The following PKHD1L1 variants were observed in gnomAD, a reference collection of about 807,000 sequenced individuals.
PKHD1L1 encodes the protein PKHD1 like 1.
PKHD1L1 carries 434 observed loss-of-function variants against 462.9 expected under a neutral mutation model. The ratio of observed to expected loss-of-function variants is 0.94; its 90% CI spans 0.87 to 1.02. The LOEUF is 1.02. PKHD1L1 is among the 50% of genes least tolerant of loss of function. The pLI, the probability that PKHD1L1 is intolerant of heterozygous loss-of-function variation, is 0.00. For synonymous variants in PKHD1L1, 1,781 were observed against 1,750.0 expected, an observed-to-expected ratio of 1.02 and a Z score of -0.44; for missense variants, 5,202 against 5,096.1, an observed-to-expected ratio of 1.02 and a Z score of -0.63.
At chr8:109,504,942 T>C (rs961119856) in intron 68 of PKHD1L1, among the ~76,000 whole-genome samples, 15 of 152,084 alleles carry the variant, frequency 9.9e-5, no homozygotes, top group Non-Finnish European at 1.9e-4. Context: ...GGTGCTATCA[T>C]GGCTCACTGC....
chr8:109,406,350 A>T lies in PKHD1L1; in HGVS notation c.1685A>T (p.Asp562Val), dbSNP rs201284253. The change falls in exon 17 of 78, where the codon GAT becomes GTT. Residue 562 changes from aspartate to valine, a missense_variant. Coordinates refer to ENST00000378402, the MANE Select transcript of PKHD1L1 (RefSeq NM_177531.6). The stretch of plus-strand genomic sequence containing the variant: ...CCAATCAAAGTCTTCCTACCTGCTG[A>T]TGCTTCTGAATTCATACTGCAATCA... ...NMEKTVFLPA[D>V]ASEFILQSAL... The T allele has an allele frequency of 1.9e-6, 3 of 1,550,636 alleles. No homozygotes were observed. The highest frequency in any genetic ancestry group is 8.7e-7 in the Non-Finnish European group (1 of 1,147,032).
chr8:109,408,366 C>A (rs934118676), intron 18 of PKHD1L1, among the ~76,000 whole-genome samples, 160 bp downstream of exon 18: 1 of 152,140 alleles, frequency 6.6e-6, no homozygotes, highest in African/African-American at 2.4e-5. Flanking sequence ...TACTGTGATA[C>A]TTTTATCTGA....
intron 9 of PKHD1L1, among the ~76,000 whole-genome samples, chr8:109,391,950 A>G (rs536311468): frequency 1.3e-5 from 2 of 152,228 alleles, no homozygotes; most frequent in Non-Finnish European, 2.9e-5. Flanking sequence ...AATATAGGCT[A>G]GACCAAAACT....
At chr8:109,469,873 T>G (rs551969925) in intron 50 of PKHD1L1, among the ~76,000 whole-genome samples, 1 of 152,146 alleles carries the variant, frequency 6.6e-6, no homozygotes, top group African/African-American at 2.4e-5. Flanking sequence ...AAATAAAAAC[T>G]GAAACAAAAG....
At chr8:109,381,659 T>C (rs1028337790) in intron 3 of PKHD1L1, 145 bp downstream of exon 3, 8 of 621,480 alleles carry the variant, frequency 1.3e-5, no homozygotes, top group Non-Finnish European at 2.0e-5. Flanking sequence ...CATTTTGTGA[T>C]GTTTAGACTA....
chr8:109,387,088 C>T (rs1406608205), intron 6 of PKHD1L1, among the ~76,000 whole-genome samples: 1 of 152,066 alleles, frequency 6.6e-6, no homozygotes, highest in Non-Finnish European at 1.5e-5. Flanking sequence ...ACCAGGGCTC[C>T]CAAGGCAATT....
At position 109,444,962 on chromosome 8, in the gene PKHD1L1, T is replaced by C. The variant is rs1563550585; in HGVS notation, c.5093T>C (p.Phe1698Ser). The change falls in exon 38 of 78, where the codon TTC becomes TCC. Residue 1698 changes from phenylalanine (F) to serine (S), a missense_variant. Phe to Ser is a radical substitution (Grantham distance 155, BLOSUM62 -2). Around this residue, in one of 3 missense-constraint regions of PKHD1L1, gnomAD observed 4,497 missense variants for 4,336.8 expected, o/e 1.04. Coordinates refer to ENST00000378402, the MANE Select transcript of PKHD1L1 (RefSeq NM_177531.6). ...GGTGTAAAAGTCCTTATGGGTCATT[T>C]CCCATGTAAAGTTCTATCAGTGAAT... The part of the protein sequence containing the change: ...SAGVKVLMGH[F>S]PCKVLSVNYT... The C allele has an allele frequency of 6.2e-6, 10 of 1,614,008 alleles. No individual in the cohort carries two copies. The highest frequency in any genetic ancestry group is 8.5e-6 in the Non-Finnish European group (10 of 1,179,886).
chr8:109,379,258 G>A (rs1000080562), intron 2 of PKHD1L1, among the ~76,000 whole-genome samples: 4 of 152,122 alleles, frequency 2.6e-5, no homozygotes, highest in Admixed American at 6.5e-5. Flanking sequence ...GACTGCTACC[G>A]GAACTGACCC....
rs1359153571 is a variant in PKHD1L1, at chr8:109,362,522, C to T, written c.-59C>T. On this transcript the variant is annotated 5_prime_UTR_variant, in exon 1 of 78. Coordinates refer to ENST00000378402, the MANE Select transcript of PKHD1L1 (RefSeq NM_177531.6). ...GCGAGTCGCAGTCCCAGGAGCCGAG[C>T]TCCAGCACTAGAGCCAGCTGCGAGC... The T allele has an allele frequency of 6.0e-6, 9 of 1,499,852 alleles. No individual in the cohort carries two copies. The highest frequency in any genetic ancestry group is 8.2e-6 in the Non-Finnish European group (9 of 1,099,588). The allele number at this position is 1,499,852 out of a possible 1,614,324, so 92.9% of individuals were successfully genotyped here. A position where few individuals can be genotyped will look rare whatever the true frequency, so the allele number is the denominator to read the frequency against.
chr8:109,423,600 T>G, intron 23 of PKHD1L1, among the ~76,000 whole-genome samples: 1 of 152,174 alleles, frequency 6.6e-6, no homozygotes, highest in East Asian at 1.9e-4. Flanking sequence ...GTTTTAGCTA[T>G]TCTAGGTCCT....
chr8:109,430,172 A>G (rs1201662297), intron 27 of PKHD1L1, 135 bp downstream of exon 27: 20 of 489,528 alleles, frequency 4.1e-5, no homozygotes, highest in Non-Finnish European at 7.1e-5. Flanking sequence ...CATTGTGAAA[A>G]TTAAAAACCC....
chr8:109,369,021 C>G (rs1811362691), intron 2 of PKHD1L1, among the ~76,000 whole-genome samples: 1 of 151,720 alleles, frequency 6.6e-6, no homozygotes, highest in Non-Finnish European at 1.5e-5. Flanking sequence ...CTCTTGTTGC[C>G]CAGGCTGGAG....
intron 73 of PKHD1L1, among the ~76,000 whole-genome samples, chr8:109,520,301 G>T (rs1820483811): frequency 6.6e-6 from 1 of 151,996 alleles, no homozygotes. Flanking sequence ...AGGGCCCATG[G>T]CACATATACA....
chr8:109,415,935 T>TA (rs549195109), intron 21 of PKHD1L1, among the ~76,000 whole-genome samples: 249 of 149,164 alleles, frequency 1.7e-3, no homozygotes, highest in African/African-American at 5.9e-3. Context: ...GTTTTTAATA[T>TA]AAAACATCAA....
intron 1 of PKHD1L1, 24 bp from the exon 2 acceptor site, chr8:109,364,523 C>G: frequency 1.4e-6 from 2 of 1,480,762 alleles, no homozygotes; most frequent in Non-Finnish European, 1.9e-6. Context: ...ATTTTTACCT[C>G]TACTGTATTT....
intron 2 of PKHD1L1, 87 bp from the exon 3 acceptor site, chr8:109,381,283 A>C (rs1389714018): frequency 1.8e-6 from 2 of 1,085,780 alleles, no homozygotes; most frequent in Non-Finnish European, 2.7e-6. Context: ...GAAATCATTT[A>C]CTGCATGATT....
intron 15 of PKHD1L1, 126 bp from the exon 16 acceptor site, chr8:109,404,869 A>G: frequency 9.0e-7 from 1 of 1,113,414 alleles, no homozygotes; most frequent in African/African-American, 1.6e-5. Context: ...CGATAAGCCA[A>G]AAAGGCTGTT....
intron 29 of PKHD1L1, 79 bp downstream of exon 29, chr8:109,435,433 A>C: frequency 6.9e-7 from 1 of 1,439,948 alleles, no homozygotes; most frequent in Non-Finnish European, 9.3e-7. Context: ...GTACAGGGTG[A>C]AGGGAGAGGA....
chr8:109,437,480 C>T (rs552700777), intron 30 of PKHD1L1, among the ~76,000 whole-genome samples: 73 of 147,188 alleles, frequency 5.0e-4, no homozygotes, highest in African/African-American at 1.5e-3. Context: ...TCTCCTAATG[C>T]TATCCCTCCC....
Sources: allele counts gnomAD v4.1 joint callset (sites outside exome capture counted in the v4.1 genomes callset), GRCh38; gene constraint gnomAD v4.1.1; regional missense constraint gnomAD v4.1.1; transcripts MANE v1.5; gene names NCBI Gene and HGNC (gene_info 2026-07-23, HGNC 2026-07-21).